Variants in THSD4 observed in about 807,000 individuals in gnomAD.
THSD4 encodes the protein thrombospondin type 1 domain containing 4.
In THSD4, 69 loss-of-function variants were observed where a neutral mutation model predicts 119.0. The observed-to-expected ratio is 0.58, with a 90% CI of 0.48 to 0.71. The LOEUF is 0.71. Ranked by LOEUF, THSD4 falls within the 30% of genes least tolerant of loss-of-function variation. The probability of loss-of-function intolerance (pLI) is 0.00; values close to 1 mark genes in which losing one functional copy is unlikely to be tolerated. For missense variants in THSD4, 1,393 were observed against 1,391.1 expected (o/e 1.00, Z -0.02); for synonymous variants, 524 against 540.4 (o/e 0.97, Z 0.42).
rs749505132 is a variant in THSD4 at position 71,728,648 on chromosome 15, G to A, written c.1457G>A (p.Arg486His). Residue 486 changes from arginine to histidine, a missense_variant, in exon 9 of 18, where the codon CGT becomes CAT. Coordinates refer to ENST00000261862, the MANE Select transcript of THSD4 (RefSeq NM_024817.3). ...GGAGGGACCATGTTCACCTACAAGC[G>A]TCCAAATGAGATTTCGAGCACTGCC... ...EGGGTMFTYK[R>H]PNEISSTAGE... 84 of 1,614,038 alleles carry A rather than the reference G, an allele frequency of 5.2e-5. No individual in the cohort carries two copies. The highest frequency in any genetic ancestry group is 3.7e-5 in the Non-Finnish European group (44 of 1,180,042).
intron 8 of THSD4, among the ~76,000 whole-genome samples, chr15:71,682,496 A>G (rs973806370): frequency 1.3e-5 from 2 of 151,836 alleles, no homozygotes; most frequent in African/African-American, 4.8e-5. Context: ...TGTTCACACC[A>G]TACATTAGTT....
At chr15:71,152,815 T>C (rs935938951) in intron 2 of THSD4, among the ~76,000 whole-genome samples, 10 of 152,174 alleles carry the variant, frequency 6.6e-5, no homozygotes, top group Non-Finnish European at 1.0e-4. Context: ...TGGTGCAGGC[T>C]GTGCAAATCT....
intron 8 of THSD4, among the ~76,000 whole-genome samples, chr15:71,724,176 A>G (rs2052776640): frequency 6.7e-6 from 1 of 149,092 alleles, no homozygotes; most frequent in Non-Finnish European, 1.5e-5. Flanking sequence ...ATGGGCTAAA[A>G]GAAGGCGCAG....
chr15:71,544,402 A>G (rs746992408), intron 7 of THSD4, among the ~76,000 whole-genome samples: 2 of 152,238 alleles, frequency 1.3e-5, no homozygotes, highest in Non-Finnish European at 2.9e-5. Flanking sequence ...GGCAAAGGAA[A>G]TCTAGAGCCA....
At chr15:71,452,539 A>T (rs2047280325) in intron 7 of THSD4, among the ~76,000 whole-genome samples, 1 of 151,940 alleles carries the variant, frequency 6.6e-6, no homozygotes, top group Admixed American at 6.6e-5. Flanking sequence ...AAAAAAAAAA[A>T]AATTCATATG....
intron 7 of THSD4, among the ~76,000 whole-genome samples, chr15:71,500,949 G>T (rs2048102716): frequency 6.6e-6 from 1 of 152,126 alleles, no homozygotes; most frequent in Middle Eastern, 3.2e-3. Flanking sequence ...AGATCGTTTT[G>T]TCTATTCAGG....
At chr15:71,582,665 G>A (rs557008178) in intron 7 of THSD4, among the ~76,000 whole-genome samples, 9 of 152,124 alleles carry the variant, frequency 5.9e-5, no homozygotes, top group Admixed American at 3.9e-4. Context: ...TTCTATACCT[G>A]ATTTGTTAGT....
chr15:71,414,428 A>G lies in THSD4; in HGVS notation c.1152+2605A>G, dbSNP rs1285429168. Among the ~76,000 whole-genome samples the G allele has an allele frequency of 2.6e-5, 4 of 152,328 alleles. No homozygotes were observed. The South Asian group carries it at 8.3e-4, about 32-fold the overall frequency. On this transcript the variant is annotated intron_variant, in intron 7 of 17. Transcript: ENST00000261862. ...GGGGGATTGCAGATTCTGATTCAGTAGGGCCTGGGGAAGGGCCTGGGAATC... is the reference window on the plus strand; with the variant it reads ...GGGGGATTGCAGATTCTGATTCAGTGGGGCCTGGGGAAGGGCCTGGGAATC...
At chr15:71,310,698 G>A (rs2045099439) in intron 6 of THSD4, among the ~76,000 whole-genome samples, 2 of 152,202 alleles carry the variant, frequency 1.3e-5, no homozygotes, top group African/African-American at 4.8e-5. Flanking sequence ...TTTATGGCCA[G>A]TTTTTACACA....
intron 3 of THSD4, among the ~76,000 whole-genome samples, chr15:71,161,436 G>T (rs1295804877): frequency 6.6e-6 from 1 of 151,884 alleles, no homozygotes; most frequent in African/African-American, 2.4e-5. Flanking sequence ...CTCCAGTGTT[G>T]GGTGCATACG....
At chr15:71,515,723 G>A (rs765851996) in intron 7 of THSD4, among the ~76,000 whole-genome samples, 8 of 152,186 alleles carry the variant, frequency 5.3e-5, no homozygotes, top group Non-Finnish European at 1.2e-4. Context: ...ATCAGAATTC[G>A]ATGTTCTTTG....
At chr15:71,515,457 G>A (rs569770861) in intron 7 of THSD4, among the ~76,000 whole-genome samples, 14 of 152,094 alleles carry the variant, frequency 9.2e-5, no homozygotes, top group African/African-American at 2.7e-4. Context: ...AGGGCTGGCC[G>A]CGTCCTTGTC....
intron 8 of THSD4, among the ~76,000 whole-genome samples, chr15:71,678,124 C>A (rs1009341610): frequency 6.6e-6 from 1 of 152,188 alleles, no homozygotes; most frequent in African/African-American, 2.4e-5. Context: ...TCCCTAGATC[C>A]GCCTATTCCC....
At chr15:71,287,961 A>G (rs1286413489) in intron 6 of THSD4, among the ~76,000 whole-genome samples, 3 of 152,152 alleles carry the variant, frequency 2.0e-5, no homozygotes, top group African/African-American at 4.8e-5. Context: ...GAAGAAATTG[A>G]GTCTTTTTCA....
chr15:71,627,560 G>A (rs1452754295), intron 7 of THSD4, among the ~76,000 whole-genome samples: 4 of 152,220 alleles, frequency 2.6e-5, no homozygotes, highest in African/African-American at 9.7e-5. Flanking sequence ...TGCCTTCAGA[G>A]GAGTTTGACC....
At chr15:71,743,524 T>G (rs1028748610) in intron 11 of THSD4, among the ~76,000 whole-genome samples, 2 of 152,230 alleles carry the variant, frequency 1.3e-5, no homozygotes, top group African/African-American at 4.8e-5. Flanking sequence ...TCTGTTCTAT[T>G]TAATGGAAGG....
chr15:71,526,407 C>T (rs1475527132), intron 7 of THSD4, among the ~76,000 whole-genome samples: 17 of 152,122 alleles, frequency 1.1e-4, no homozygotes, highest in Admixed American at 1.1e-3. Context: ...AGGAGAGAGT[C>T]GCTTAGAGGT....
intron 7 of THSD4, among the ~76,000 whole-genome samples, chr15:71,464,054 A>C (rs2047464340): frequency 6.6e-6 from 1 of 152,134 alleles, no homozygotes; most frequent in Non-Finnish European, 1.5e-5. Context: ...CTTCAAGCTC[A>C]TGTCTTTCCC....
At chr15:71,199,641 G>A (rs879187324) in intron 3 of THSD4, among the ~76,000 whole-genome samples, 31 of 139,826 alleles carry the variant, frequency 2.2e-4, no homozygotes, top group African/African-American at 7.1e-4. Flanking sequence ...TGTGTGGTGT[G>A]TGTGTGGTGT....
Sources: allele counts gnomAD v4.1 joint callset (sites outside exome capture counted in the v4.1 genomes callset), GRCh38; gene constraint gnomAD v4.1.1; transcripts MANE v1.5; gene names NCBI Gene and HGNC (gene_info 2026-07-23, HGNC 2026-07-21).